LYPD6: variants seen among roughly 807,000 people sequenced by gnomAD.
The protein encoded by LYPD6 is LY6/PLAUR domain containing 6, also known as ly6/PLAUR domain-containing protein 6.
LYPD6 carries 15 observed loss-of-function variants against 22.7 expected under a neutral mutation model. That is an observed-to-expected ratio of 0.66 (90% CI 0.44 to 1.02). The LOEUF is 1.02. Ranked by LOEUF, LYPD6 falls within the 50% of genes least tolerant of loss-of-function variation. The pLI, the probability that LYPD6 is intolerant of heterozygous loss-of-function variation, is 0.00. For missense variants in LYPD6, 189 were observed against 208.4 expected (o/e 0.91, Z 0.57); for synonymous variants, 72 against 77.5 (o/e 0.93, Z 0.37).
chr2:149,360,987 T>A (rs533179280), intron 1 of LYPD6, among the ~76,000 whole-genome samples: 1 of 152,314 alleles, frequency 6.6e-6, no homozygotes, highest in Admixed American at 6.5e-5. Context: ...AAAAGAAAAG[T>A]TGTTTTCCTC....
intron 1 of LYPD6, among the ~76,000 whole-genome samples, chr2:149,390,907 A>G (rs1402946464): frequency 6.6e-6 from 1 of 152,250 alleles, no homozygotes; most frequent in African/African-American, 2.4e-5. Flanking sequence ...GGATTGCATA[A>G]TGCTCTAAAT....
chr2:149,417,893 C>A (rs1392439109), intron 1 of LYPD6, among the ~76,000 whole-genome samples: 1 of 152,066 alleles, frequency 6.6e-6, no homozygotes, highest in Non-Finnish European at 1.5e-5. Context: ...ACATATTAGA[C>A]ACAGTAAATA....
intron 1 of LYPD6, among the ~76,000 whole-genome samples, chr2:149,373,551 T>G (rs1441042536): frequency 6.6e-6 from 1 of 152,072 alleles, no homozygotes; most frequent in East Asian, 1.9e-4. Context: ...GAGACCGAGC[T>G]GTCCTCGTGT....
chr2:149,427,862 C>T (rs555701160), intron 1 of LYPD6, among the ~76,000 whole-genome samples: 1 of 152,320 alleles, frequency 6.6e-6, no homozygotes, highest in South Asian at 2.1e-4. Context: ...ACTAGACATA[C>T]ACAACAAGAC....
At chr2:149,356,603 G>A (rs965268392) in intron 1 of LYPD6, among the ~76,000 whole-genome samples, 7 of 152,170 alleles carry the variant, frequency 4.6e-5, no homozygotes, top group Admixed American at 3.3e-4. Context: ...CTGGGTTGGT[G>A]ATTTAGAGCA....
At chr2:149,331,392 A>G (rs1368713879) in intron 1 of LYPD6, among the ~76,000 whole-genome samples, 2 of 152,040 alleles carry the variant, frequency 1.3e-5, no homozygotes, top group South Asian at 2.1e-4. Context: ...TTCAGTTACA[A>G]CCTAAAGCTC....
rs189786153 is a variant in LYPD6 at position 149,363,966 on chromosome 2, C to T, written c.-72+33244C>T. Among the ~76,000 whole-genome samples the T allele has an allele frequency of 3.3e-5, 5 of 152,220 alleles. No individual in the cohort carries two copies. The East Asian group carries it at 7.7e-4, about 23-fold the overall frequency. ...AAAATCTGAAAGCTCAGAATTTAGT[C>T]TCCTTCATAGAACTTTATTTTCTTT... On this transcript the variant is annotated intron_variant, in intron 1 of 4. Coordinates refer to ENST00000334166, the MANE Select transcript of LYPD6 (RefSeq NM_194317.5).
At chr2:149,343,072 G>C (rs1396765952) in intron 1 of LYPD6, among the ~76,000 whole-genome samples, 1 of 152,128 alleles carries the variant, frequency 6.6e-6, no homozygotes, top group Non-Finnish European at 1.5e-5. Context: ...TGTGCTAGAG[G>C]AGACAGTTTT....
intron 1 of LYPD6, among the ~76,000 whole-genome samples, chr2:149,370,056 A>G (rs779901016): frequency 1.3e-5 from 2 of 152,072 alleles, no homozygotes; most frequent in Non-Finnish European, 2.9e-5. Context: ...AGATGTAGAT[A>G]ATTTGGAGGG....
intron 1 of LYPD6, among the ~76,000 whole-genome samples, chr2:149,334,579 C>A (rs992346039): frequency 6.6e-6 from 1 of 152,016 alleles, no homozygotes; most frequent in Non-Finnish European, 1.5e-5. Context: ...ATTGAAGAAG[C>A]CTGGTGTGTA....
intron 1 of LYPD6, among the ~76,000 whole-genome samples, chr2:149,354,146 A>G (rs960601448): frequency 6.6e-6 from 1 of 152,122 alleles, no homozygotes; most frequent in Non-Finnish European, 1.5e-5. Context: ...GGGAGCAGTG[A>G]TGATGGTGGC....
intron 1 of LYPD6, among the ~76,000 whole-genome samples, chr2:149,357,291 C>A (rs1322250055): frequency 1.3e-5 from 2 of 152,208 alleles, no homozygotes; most frequent in Non-Finnish European, 2.9e-5. Flanking sequence ...TGACACTGAG[C>A]AAGCACTTTT....
At chr2:149,434,747 G>C (rs1683392537) in intron 1 of LYPD6, among the ~76,000 whole-genome samples, 1 of 152,158 alleles carries the variant, frequency 6.6e-6, no homozygotes, top group African/African-American at 2.4e-5. Context: ...TCTGAGGCAG[G>C]GAAAGTAAGG....
chr2:149,387,990 C>T (rs993051387), intron 1 of LYPD6, among the ~76,000 whole-genome samples: 1 of 152,142 alleles, frequency 6.6e-6, no homozygotes, highest in Admixed American at 6.5e-5. Context: ...TTGGGACTTA[C>T]ATGTCCATAT....
intron 1 of LYPD6, among the ~76,000 whole-genome samples, chr2:149,334,578 G>A (rs1449162417): frequency 6.6e-6 from 1 of 152,254 alleles, no homozygotes; most frequent in African/African-American, 2.4e-5. Flanking sequence ...TATTGAAGAA[G>A]CCTGGTGTGT....
At chr2:149,457,907 A>T (rs1334435377) in intron 3 of LYPD6, among the ~76,000 whole-genome samples, 2 of 152,218 alleles carry the variant, frequency 1.3e-5, no homozygotes, top group African/African-American at 4.8e-5. Flanking sequence ...TTTCAGTCTC[A>T]TATATTCTAG....
chr2:149,396,325 T>C (rs1682428659), intron 1 of LYPD6, among the ~76,000 whole-genome samples: 1 of 152,124 alleles, frequency 6.6e-6, no homozygotes, highest in Non-Finnish European at 1.5e-5. Flanking sequence ...TGTTCCTTTA[T>C]ATTTTGTGGA....
At chr2:149,336,996 TAA>T (rs1290325868) in intron 1 of LYPD6, among the ~76,000 whole-genome samples, 1 of 151,624 alleles carries the variant, frequency 6.6e-6, no homozygotes, top group Non-Finnish European at 1.5e-5. Flanking sequence ...ATGTGCTTTT[TAA>T]AATAGAACTA....
intron 1 of LYPD6, among the ~76,000 whole-genome samples, chr2:149,374,336 G>A (rs775603751): frequency 3.9e-5 from 6 of 152,142 alleles, no homozygotes; most frequent in Admixed American, 6.6e-5. Flanking sequence ...TGCATCTTAT[G>A]GCTTTGTATT....
Sources: gnomAD v4.1 joint callset for allele counts (sites outside exome capture counted in the v4.1 genomes callset) on GRCh38, gnomAD v4.1.1 for gene constraint, MANE v1.5 for transcripts, NCBI Gene and HGNC (gene_info 2026-07-23, HGNC 2026-07-21) for gene names.